ATP10B: variants seen among roughly 807,000 people sequenced by gnomAD.
ATP10B encodes the protein ATPase phospholipid transporting 10B (putative).
In ATP10B, 122 loss-of-function variants were observed where a neutral mutation model predicts 141.2. The observed-to-expected ratio is 0.86, with a 90% CI of 0.75 to 1.00. ATP10B has a LOEUF of 1.00. Ranked by LOEUF, ATP10B falls within the 50% of genes least tolerant of loss-of-function variation. The probability of loss-of-function intolerance (pLI) is 0.00; values close to 1 mark genes in which losing one functional copy is unlikely to be tolerated. For missense variants in ATP10B, 1,876 were observed against 1,825.3 expected (o/e 1.03, Z -0.51); for synonymous variants, 685 against 692.0 (o/e 0.99, Z 0.16).
intron 6 of ATP10B, among the ~76,000 whole-genome samples, chr5:160,679,371 G>A (rs758876154): frequency 1.3e-5 from 2 of 152,120 alleles, no homozygotes; most frequent in African/African-American, 4.8e-5. Flanking sequence ...TCATTTCTTG[G>A]TCCTGGTCTT....
the ATP10B span, among the ~76,000 whole-genome samples, chr5:160,870,642 G>A: frequency 2.3e-4 from 35 of 151,882 alleles, 1 homozygote; most frequent in South Asian, 5.6e-3. Context: ...ATCAGAGAAT[G>A]AAATAAATGT....
the ATP10B span, among the ~76,000 whole-genome samples, chr5:160,895,697 C>T: frequency 6.6e-6 from 1 of 152,246 alleles, no homozygotes; most frequent in South Asian, 2.1e-4. Context: ...ACCAAGTGGA[C>T]CTAATAGACA....
chr5:160,787,231 G>A (rs1251111435), intron 1 of ATP10B, among the ~76,000 whole-genome samples: 6 of 151,822 alleles, frequency 4.0e-5, no homozygotes, highest in Non-Finnish European at 8.8e-5. Context: ...AATTCCAAAA[G>A]GCTGTCAACA....
chr5:160,805,409 T>A (rs1001035167), intron 1 of ATP10B, among the ~76,000 whole-genome samples: 2 of 152,230 alleles, frequency 1.3e-5, no homozygotes, highest in African/African-American at 4.8e-5. Flanking sequence ...CTGAATTAAG[T>A]GTGTCTTAAA....
At chr5:160,600,482 C>T (rs192039264) in intron 21 of ATP10B, among the ~76,000 whole-genome samples, 6 of 152,324 alleles carry the variant, frequency 3.9e-5, no homozygotes, top group African/African-American at 9.6e-5. Context: ...GACAGCCTCA[C>T]GCAGGCCATG....
At chr5:160,724,251 CTTTTTT>C (rs35786358) in intron 2 of ATP10B, among the ~76,000 whole-genome samples, 2 of 107,072 alleles carry the variant, frequency 1.9e-5, no homozygotes, top group Non-Finnish European at 3.6e-5. Flanking sequence ...GCTATAATTC[CTTTTTT>C]TTTTTTTTTT....
chr5:160,889,419 C>T, the ATP10B span, among the ~76,000 whole-genome samples: 1 of 152,172 alleles, frequency 6.6e-6, no homozygotes, highest in Admixed American at 6.5e-5. Context: ...AAAGGAGTTG[C>T]TCAAAACCTA....
rs142583335 is a variant in ATP10B, at chr5:160,832,370, A to G, written c.-576+19571T>C. Among the ~76,000 whole-genome samples the G allele has an allele frequency of 6.0e-3, 914 of 152,290 alleles. 12 individuals carry two copies. The highest frequency in any genetic ancestry group is 0.021 in the African/African-American group (870 of 41,578). On this transcript the variant is annotated intron_variant, in intron 1 of 25. Transcript: ENST00000327245. ...CTCAACCAATATAACAAAATACTAT[A>G]TAAATACTCAAAAGAATAAGGTAGT...
Position 160,635,973 on chromosome 5 carries a change from C to A in ATP10B, c.1128+209G>T, listed in dbSNP as rs185223902. Among the ~76,000 whole-genome samples the A allele has an allele frequency of 2.0e-5, 3 of 152,338 alleles. No homozygotes were observed. The East Asian group carries it at 5.8e-4, about 29-fold the overall frequency. On this transcript the variant is annotated intron_variant, in intron 11 of 25. Coordinates refer to ENST00000327245, the MANE Select transcript of ATP10B (RefSeq NM_025153.3). ...TTTCCCTCCAGCTATTATCTGGGGGCAGAGTCCCCTCCACAAGGCAGGGCT... is the reference window on the plus strand; with the variant it reads ...TTTCCCTCCAGCTATTATCTGGGGGAAGAGTCCCCTCCACAAGGCAGGGCT...
At chr5:160,844,393 T>C (rs2127989163) in intron 1 of ATP10B, among the ~76,000 whole-genome samples, 1 of 152,016 alleles carries the variant, frequency 6.6e-6, no homozygotes, top group South Asian at 2.2e-4. Flanking sequence ...GACTATTCCA[T>C]GAAGCAACAA....
intron 22 of ATP10B, among the ~76,000 whole-genome samples, chr5:160,598,450 A>G (rs1756877980): frequency 1.3e-5 from 2 of 152,066 alleles, no homozygotes; most frequent in African/African-American, 4.8e-5. Context: ...TGACGAGTTA[A>G]TGGGTGCAGC....
At chr5:160,920,156 A>T in the ATP10B span, among the ~76,000 whole-genome samples, 3 of 152,200 alleles carry the variant, frequency 2.0e-5, no homozygotes, top group African/African-American at 7.2e-5. Context: ...AATAGTGGTC[A>T]AGCACTTACA....
chr5:160,892,540 T>C, the ATP10B span, among the ~76,000 whole-genome samples: 1 of 152,232 alleles, frequency 6.6e-6, no homozygotes, highest in Non-Finnish European at 1.5e-5. Flanking sequence ...TGTGGTAGGT[T>C]CCCACTTTCT....
At chr5:160,899,354 AAAGG>A in the ATP10B span, among the ~76,000 whole-genome samples, 16 of 152,064 alleles carry the variant, frequency 1.1e-4, no homozygotes, top group African/African-American at 3.1e-4. Context: ...GAAAGTGGGG[AAAGG>A]AAGAAAAATG....
intron 21 of ATP10B, among the ~76,000 whole-genome samples, chr5:160,601,495 C>G (rs1247233314): frequency 6.6e-6 from 1 of 152,180 alleles, no homozygotes; most frequent in Non-Finnish European, 1.5e-5. Context: ...CTGACTTCTT[C>G]CTATTCCCAT....
Position 160,600,744 on chromosome 5 carries a change from T to C in ATP10B, c.3364-1774A>G, listed in dbSNP as rs144744781. ...GAACCCCATGGCAGCATTGCTGATA[T>C]TGGATGCCTGCTCTTTCTCTCAAGA... is the stretch of plus-strand genomic sequence containing the variant. On this transcript the variant is annotated intron_variant, in intron 21 of 25. Coordinates refer to ENST00000327245, the MANE Select transcript of ATP10B (RefSeq NM_025153.3). Among the ~76,000 whole-genome samples, 20 of 152,324 alleles carry C rather than the reference T, an allele frequency of 1.3e-4. No individual in the cohort carries two copies. The East Asian group carries it at 3.5e-3, about 26-fold the overall frequency.
At chr5:160,895,607 T>TA in the ATP10B span, among the ~76,000 whole-genome samples, 1 of 152,026 alleles carries the variant, frequency 6.6e-6, no homozygotes, top group East Asian at 1.9e-4. Flanking sequence ...GTGGGAGACT[T>TA]AACACCCCAC....
intron 24 of ATP10B, among the ~76,000 whole-genome samples, chr5:160,584,176 G>T (rs980700977): frequency 6.6e-6 from 1 of 152,192 alleles, no homozygotes; most frequent in Non-Finnish European, 1.5e-5. Context: ...GTAGGCACCC[G>T]AGAGAATCTC....
chr5:160,833,297 AT>A (rs1775215933), intron 1 of ATP10B, among the ~76,000 whole-genome samples: 1 of 152,222 alleles, frequency 6.6e-6, no homozygotes, highest in Non-Finnish European at 1.5e-5. Context: ...ATCACTAATA[AT>A]TAGGTTCTAA....
Sources: allele counts gnomAD v4.1 joint callset (sites outside exome capture counted in the v4.1 genomes callset), GRCh38; gene constraint gnomAD v4.1.1; transcripts MANE v1.5; gene names NCBI Gene and HGNC (gene_info 2026-07-23, HGNC 2026-07-21).